CNTN6: variants seen among roughly 807,000 people sequenced by gnomAD.
CNTN6 encodes contactin-6.
In CNTN6, 137 loss-of-function variants were observed where a neutral mutation model predicts 122.8. The ratio of observed to expected loss-of-function variants is 1.12; its 90% CI spans 0.97 to 1.29. The LOEUF (loss-of-function observed/expected upper bound fraction) is 1.29, where lower values mean the gene tolerates loss of function less well. Ranked by LOEUF, CNTN6 falls within the 50% of genes most tolerant of loss-of-function variation. CNTN6 has a pLI of 0.00. For missense variants in CNTN6, 1,634 were observed against 1,223.4 expected (o/e 1.34, Z -5.01); for synonymous variants, 570 against 426.0 (o/e 1.34, Z -4.16).
chr3:1,174,640 G>T (rs1385771635), intron 2 of CNTN6, among the ~76,000 whole-genome samples: 1 of 150,938 alleles, frequency 6.6e-6, no homozygotes, highest in Admixed American at 6.6e-5. Context: ...GAACTTTGGA[G>T]TCCACACTAA....
At chr3:1,099,097 G>A (rs1209090874) in intron 1 of CNTN6, among the ~76,000 whole-genome samples, 1 of 151,800 alleles carries the variant, frequency 6.6e-6, no homozygotes, top group Non-Finnish European at 1.5e-5. Context: ...TATATTGAAA[G>A]CAAACTTATT....
At chr3:1,301,298 G>C (rs1352088922) in intron 7 of CNTN6, among the ~76,000 whole-genome samples, 2 of 152,068 alleles carry the variant, frequency 1.3e-5, no homozygotes, top group Admixed American at 6.5e-5. Context: ...GCCTCCCAAA[G>C]TGCTGGTATT....
At chr3:1,245,061 C>G (rs186277449) in intron 4 of CNTN6, among the ~76,000 whole-genome samples, 3 of 147,938 alleles carry the variant, frequency 2.0e-5, no homozygotes, top group African/African-American at 7.5e-5. Context: ...ACAGGGGATG[C>G]GATGGCCTGG....
At chr3:1,372,769 C>A in intron 13 of CNTN6, 69 bp from the exon 14 acceptor site, 1 of 908,692 alleles carries the variant, frequency 1.1e-6, no homozygotes, top group Non-Finnish European at 1.7e-6. Context: ...ATTTATCCAG[C>A]TGTAACAATA....
chr3:1,148,041 G>T lies in CNTN6; in HGVS notation c.33G>T (p.Leu11=), dbSNP rs756001862. 2 of 1,608,150 alleles carry T rather than the reference G, an allele frequency of 1.2e-6. No homozygotes were observed. Among genetic ancestry groups the T allele is most frequent in the Admixed American group, 3.3e-5 (2 of 59,914 alleles). ...TGCTATGGAAACTGGTAATTCTGCT[G>T]CCACTCATAAACTCTTCTGCAGGTA... MRLLWKLVIL[L]PLINSSAGDG... is the part of the protein sequence containing the mutation. Residue 11 remains leucine, a synonymous_variant, in exon 2 of 23, where the codon CTG becomes CTT. Coordinates refer to ENST00000446702, the MANE Select transcript of CNTN6 (RefSeq NM_001289080.2).
chr3:1,220,912 T>C (rs2094199374), intron 3 of CNTN6, 99 bp downstream of exon 3: 4 of 1,287,492 alleles, frequency 3.1e-6, no homozygotes, highest in Admixed American at 5.1e-5. Flanking sequence ...TAATTTGTAG[T>C]GTACAGCTCA....
chr3:1,309,151 A>G (rs1698839010), intron 7 of CNTN6, among the ~76,000 whole-genome samples: 2 of 139,328 alleles, frequency 1.4e-5, no homozygotes, highest in African/African-American at 3.1e-5. Context: ...TGTGCAGGTT[A>G]TCAATTTTTT....
At chr3:1,342,812 G>T (rs1559876029) in intron 11 of CNTN6, among the ~76,000 whole-genome samples, 1 of 152,104 alleles carries the variant, frequency 6.6e-6, no homozygotes, top group African/African-American at 2.4e-5. Context: ...TAATGATTAA[G>T]ATTTGTTTTA....
At chr3:1,160,900 C>T (rs940950907) in intron 2 of CNTN6, among the ~76,000 whole-genome samples, 5 of 151,940 alleles carry the variant, frequency 3.3e-5, no homozygotes, top group Admixed American at 1.3e-4. Flanking sequence ...ATTAAATAGA[C>T]ATCCAATTAA....
intron 7 of CNTN6, among the ~76,000 whole-genome samples, chr3:1,299,384 T>C (rs1326983325): frequency 2.0e-5 from 3 of 152,138 alleles, no homozygotes. Context: ...GAAAAGAATA[T>C]TAATAGCTTA....
At chr3:1,391,258 A>C (rs1274020725) in intron 20 of CNTN6, among the ~76,000 whole-genome samples, 5 of 117,826 alleles carry the variant, frequency 4.2e-5, no homozygotes, top group Non-Finnish European at 8.5e-5. Flanking sequence ...ATATACACAA[A>C]TCAATAAATG....
chr3:1,207,488 A>G (rs1471991722), intron 2 of CNTN6, among the ~76,000 whole-genome samples: 1 of 152,024 alleles, frequency 6.6e-6, no homozygotes. Flanking sequence ...ATGTTTTATT[A>G]TCCACTTTTC....
At chr3:1,367,882 G>C (rs1049052675) in intron 12 of CNTN6, among the ~76,000 whole-genome samples, 1 of 152,150 alleles carries the variant, frequency 6.6e-6, no homozygotes, top group Non-Finnish European at 1.5e-5. Context: ...TCAACAGGAG[G>C]ATCCAAGGTG....
intron 4 of CNTN6, among the ~76,000 whole-genome samples, chr3:1,265,994 A>G (rs955116734): frequency 6.6e-6 from 1 of 152,038 alleles, no homozygotes; most frequent in African/African-American, 2.4e-5. Flanking sequence ...TTAAAAGGCA[A>G]TACATAGTTA....
chr3:1,129,359 C>T (rs918624615), intron 1 of CNTN6, among the ~76,000 whole-genome samples: 7 of 152,048 alleles, frequency 4.6e-5, no homozygotes, highest in Non-Finnish European at 7.4e-5. Context: ...CCTCCATTCC[C>T]AGGCGACTTG....
At chr3:1,107,758 C>T (rs2091292511) in intron 1 of CNTN6, among the ~76,000 whole-genome samples, 1 of 151,944 alleles carries the variant, frequency 6.6e-6, no homozygotes, top group African/African-American at 2.4e-5. Flanking sequence ...GAGTTGTGAC[C>T]TGAACGACAG....
chr3:1,322,541 G>T (rs1044416546), intron 8 of CNTN6, among the ~76,000 whole-genome samples: 1 of 151,578 alleles, frequency 6.6e-6, no homozygotes, highest in African/African-American at 2.4e-5. Flanking sequence ...ATCTGTATTA[G>T]ATAATTTTTA....
chr3:1,219,912 G>A (rs2094183000), intron 2 of CNTN6, among the ~76,000 whole-genome samples: 1 of 151,952 alleles, frequency 6.6e-6, no homozygotes, highest in African/African-American at 2.4e-5. Flanking sequence ...CTAGGTGGGA[G>A]GTTCACCTGA....
At chr3:1,188,443 T>C (rs1439099243) in intron 2 of CNTN6, among the ~76,000 whole-genome samples, 1 of 152,250 alleles carries the variant, frequency 6.6e-6, no homozygotes, top group Non-Finnish European at 1.5e-5. Flanking sequence ...AATGCAATTA[T>C]ATTTTTTAAA....
Sources: gnomAD v4.1 joint callset for allele counts (sites outside exome capture counted in the v4.1 genomes callset) on GRCh38, gnomAD v4.1.1 for gene constraint, MANE v1.5 for transcripts, NCBI Gene and HGNC (gene_info 2026-07-23, HGNC 2026-07-21) for gene names.